PTPRD: variants seen among roughly 807,000 people sequenced by gnomAD.
PTPRD encodes protein tyrosine phosphatase receptor type D.
In PTPRD, 34 loss-of-function variants were observed where a neutral mutation model predicts 214.5. The ratio of observed to expected loss-of-function variants is 0.16; its 90% CI spans 0.12 to 0.21. The LOEUF (loss-of-function observed/expected upper bound fraction) is 0.21. PTPRD is among the 10% of genes least tolerant of loss of function. PTPRD has a pLI of 1.00. For missense variants in PTPRD, 2,545 were observed against 2,398.7 expected (o/e 1.06, Z -1.27); for synonymous variants, 1,128 against 845.7 (o/e 1.33, Z -5.79).
rs1457178495 is a variant in PTPRD at position 8,379,673 on chromosome 9, TAG to T, written c.4387-2949_4387-2948del. Among the ~76,000 whole-genome samples, 3 of 152,198 alleles carry T rather than the reference TAG, an allele frequency of 2.0e-5. No individual in the cohort carries two copies. In the East Asian group the frequency reaches 5.8e-4, roughly 29 times the overall value. ...AAGAGAAAATATCATAAGGTATTTC[TAG>T]AGAGAGTTACTATTTGTTAGGCTTC... On this transcript the variant is annotated intron_variant, in intron 37 of 45. Transcript: ENST00000381196.
intron 11 of PTPRD, among the ~76,000 whole-genome samples, chr9:8,991,462 C>T (rs761004411): frequency 1.3e-5 from 2 of 151,934 alleles, no homozygotes; most frequent in African/African-American, 2.4e-5. Flanking sequence ...ATTTAATTTC[C>T]GTTAACTCTA....
chr9:9,581,816 T>A (rs2154314825), intron 7 of PTPRD, among the ~76,000 whole-genome samples: 1 of 152,278 alleles, frequency 6.6e-6, no homozygotes, highest in Admixed American at 6.6e-5. Flanking sequence ...ATCTATTGAA[T>A]ACAATGGTAT....
Position 9,800,116 on chromosome 9 carries a change from C to T in PTPRD, c.-367-33265G>A, listed in dbSNP as rs866962728. Among the ~76,000 whole-genome samples the T allele has an allele frequency of 2.6e-5, 4 of 152,144 alleles. No homozygotes were observed. The South Asian group carries it at 8.3e-4, about 32-fold the overall frequency. On this transcript the variant is annotated intron_variant, in intron 5 of 45. Transcript: ENST00000381196. ...AAAATAAAGTTTCCAAAGTGAAATACATTTTGGAAGTCCTGCATACCACAC... is the reference window on the plus strand; with the variant it reads ...AAAATAAAGTTTCCAAAGTGAAATATATTTTGGAAGTCCTGCATACCACAC...
At chr9:9,906,704 T>C (rs1220308217) in intron 5 of PTPRD, among the ~76,000 whole-genome samples, 1 of 151,934 alleles carries the variant, frequency 6.6e-6, no homozygotes, top group Non-Finnish European at 1.5e-5. Context: ...AGACAATTCA[T>C]AGGAAAGGAA....
intron 3 of PTPRD, among the ~76,000 whole-genome samples, chr9:10,254,765 A>G (rs999067890): frequency 6.6e-6 from 1 of 152,164 alleles, no homozygotes; most frequent in South Asian, 2.1e-4. Flanking sequence ...CAGGGGTCAC[A>G]AAGACTCAAA....
chr9:10,188,642 T>C (rs2099348627), intron 3 of PTPRD, among the ~76,000 whole-genome samples: 1 of 152,104 alleles, frequency 6.6e-6, no homozygotes, highest in Admixed American at 6.6e-5. Flanking sequence ...TTGGAAAGCA[T>C]GTATCTCAAT....
At chr9:9,195,179 G>C (rs547462848) in intron 9 of PTPRD, among the ~76,000 whole-genome samples, 2 of 151,034 alleles carry the variant, frequency 1.3e-5, no homozygotes, top group Non-Finnish European at 2.9e-5. Flanking sequence ...AGCTGACATG[G>C]TGTTAGCCCT....
chr9:8,677,906 T>C (rs2097463311), intron 12 of PTPRD, among the ~76,000 whole-genome samples: 2 of 152,104 alleles, frequency 1.3e-5, no homozygotes, highest in Non-Finnish European at 2.9e-5. Flanking sequence ...GCAGCAGTTA[T>C]TTTGATCTGT....
At chr9:9,663,461 AG>A (rs922255238) in intron 7 of PTPRD, among the ~76,000 whole-genome samples, 25 of 151,666 alleles carry the variant, frequency 1.6e-4, no homozygotes, top group African/African-American at 6.0e-4. Flanking sequence ...CCAGATTGGT[AG>A]AAAAAAATTA....
At chr9:9,511,101 T>C (rs147168372) in intron 8 of PTPRD, among the ~76,000 whole-genome samples, 30 of 151,894 alleles carry the variant, frequency 2.0e-4, no homozygotes, top group African/African-American at 7.2e-4. Flanking sequence ...AAAAGAAATG[T>C]GTGTGATTTG....
intron 12 of PTPRD, among the ~76,000 whole-genome samples, chr9:8,655,319 G>A (rs1371718548): frequency 6.6e-6 from 1 of 152,164 alleles, no homozygotes; most frequent in Non-Finnish European, 1.5e-5. Context: ...ATAATTGTAA[G>A]TAGAATTCAT....
At chr9:8,421,291 C>G (rs1405894196) in intron 35 of PTPRD, among the ~76,000 whole-genome samples, 2 of 152,086 alleles carry the variant, frequency 1.3e-5, no homozygotes, top group Admixed American at 6.6e-5. Flanking sequence ...TTCTCTCCCT[C>G]TCTCTTCTTT....
At chr9:8,772,413 C>A (rs1599311962) in intron 11 of PTPRD, among the ~76,000 whole-genome samples, 1 of 148,450 alleles carries the variant, frequency 6.7e-6, no homozygotes, top group South Asian at 2.2e-4. Flanking sequence ...AGTTAAAAAC[C>A]TCAAGCAGAA....
At chr9:10,552,251 CT>C (rs57400329) in intron 2 of PTPRD, among the ~76,000 whole-genome samples, 4 of 151,880 alleles carry the variant, frequency 2.6e-5, no homozygotes, top group Non-Finnish European at 5.9e-5. Flanking sequence ...GAAAACCAAG[CT>C]TTTTTATCTG....
chr9:9,446,763 C>A (rs1042605759), intron 8 of PTPRD, among the ~76,000 whole-genome samples: 2 of 152,054 alleles, frequency 1.3e-5, no homozygotes, highest in South Asian at 2.1e-4. Flanking sequence ...ACAAACTATG[C>A]ATTTGACAAG....
intron 36 of PTPRD, among the ~76,000 whole-genome samples, chr9:8,394,293 G>C (rs1010034520): frequency 6.6e-6 from 1 of 151,890 alleles, no homozygotes; most frequent in Admixed American, 6.6e-5. Context: ...AATGATGAGG[G>C]GTTTATAATA....
intron 10 of PTPRD, among the ~76,000 whole-genome samples, chr9:9,169,996 C>T (rs1225148833): frequency 2.0e-5 from 3 of 152,124 alleles, no homozygotes; most frequent in African/African-American, 7.2e-5. Context: ...TTTGCAAGCA[C>T]CACAGATCTT....
chr9:9,597,428 A>G (rs2093435394), intron 7 of PTPRD, among the ~76,000 whole-genome samples: 1 of 152,094 alleles, frequency 6.6e-6, no homozygotes, highest in South Asian at 2.1e-4. Flanking sequence ...GGTTCCACAG[A>G]TAAGTCATTA....
At chr9:9,710,333 A>T (rs2097701867) in intron 7 of PTPRD, among the ~76,000 whole-genome samples, 1 of 152,114 alleles carries the variant, frequency 6.6e-6, no homozygotes, top group South Asian at 2.1e-4. Flanking sequence ...ATTTAGTCTT[A>T]ACTTCTTTCC....
Sources: allele counts gnomAD v4.1 joint callset (sites outside exome capture counted in the v4.1 genomes callset), GRCh38; gene constraint gnomAD v4.1.1; transcripts MANE v1.5; gene names NCBI Gene and HGNC (gene_info 2026-07-23, HGNC 2026-07-21).